Variants in SAMD12 observed in about 807,000 individuals in gnomAD.
The protein encoded by SAMD12 is sterile alpha motif domain containing 12.
A neutral mutation model predicts 15.0 loss-of-function variants in SAMD12; 9 were observed. The ratio of observed to expected loss-of-function variants is 0.60; its 90% CI spans 0.36 to 1.05. SAMD12 has a LOEUF of 1.05. SAMD12 is among the 50% of genes least tolerant of loss of function. The pLI, the probability that SAMD12 is intolerant of heterozygous loss-of-function variation, is 0.01. For synonymous variants in SAMD12, 86 were observed against 90.1 expected, an observed-to-expected ratio of 0.96 and a Z score of 0.25; for missense variants, 230 against 234.2, an observed-to-expected ratio of 0.98 and a Z score of 0.12.
intron 2 of SAMD12, among the ~76,000 whole-genome samples, chr8:118,446,877 C>G (rs982792673): frequency 1.3e-5 from 2 of 152,112 alleles, no homozygotes; most frequent in Non-Finnish European, 2.9e-5. Flanking sequence ...ACCTCCAGCT[C>G]AGTTTTCTTC....
chr8:118,172,800 T>A, the SAMD12 span, among the ~76,000 whole-genome samples: 2 of 152,210 alleles, frequency 1.3e-5, no homozygotes, highest in Non-Finnish European at 2.9e-5. Context: ...TTTTTCTGTA[T>A]ACAATATAGT....
chr8:118,530,121 G>T, intron 2 of SAMD12, among the ~76,000 whole-genome samples: 1 of 152,276 alleles, frequency 6.6e-6, no homozygotes, highest in Admixed American at 6.5e-5. Context: ...TTTCTCTGAT[G>T]ATCAGTGGTG....
intron 2 of SAMD12, among the ~76,000 whole-genome samples, chr8:118,547,736 C>A (rs1182676798): frequency 2.0e-5 from 3 of 152,132 alleles, no homozygotes; most frequent in Non-Finnish European, 1.5e-5. Flanking sequence ...TTTTTCTATA[C>A]CATATAAAAT....
chr8:118,268,669 C>A (rs574102020), intron 4 of SAMD12, among the ~76,000 whole-genome samples: 1 of 152,202 alleles, frequency 6.6e-6, no homozygotes, highest in East Asian at 1.9e-4. Context: ...ACAAAATTAG[C>A]CAGGCGTGGT....
chr8:118,344,737 C>T (rs1817547958), intron 4 of SAMD12, among the ~76,000 whole-genome samples: 1 of 152,150 alleles, frequency 6.6e-6, no homozygotes, highest in African/African-American at 2.4e-5. Context: ...TTGGTATCTC[C>T]ATTTTTTAGT....
chr8:118,139,225 A>T, the SAMD12 span, among the ~76,000 whole-genome samples: 1 of 152,082 alleles, frequency 6.6e-6, no homozygotes, highest in Non-Finnish European at 1.5e-5. Flanking sequence ...TAAAAAAAAA[A>T]AAAATAGAAA....
At chr8:118,368,490 T>A (rs1563801451) in intron 4 of SAMD12, among the ~76,000 whole-genome samples, 1 of 152,094 alleles carries the variant, frequency 6.6e-6, no homozygotes, top group Admixed American at 6.6e-5. Flanking sequence ...TCAAAGCAGG[T>A]GAGTGGCTTA....
chr8:118,215,519 T>C (rs1177395433), intron 4 of SAMD12, among the ~76,000 whole-genome samples: 1 of 152,110 alleles, frequency 6.6e-6, no homozygotes, highest in African/African-American at 2.4e-5. Flanking sequence ...ATTGTGCAGG[T>C]TAGTTACATA....
intron 2 of SAMD12, among the ~76,000 whole-genome samples, chr8:118,560,643 A>G (rs1459478694): frequency 6.6e-6 from 1 of 152,244 alleles, no homozygotes; most frequent in Non-Finnish European, 1.5e-5. Flanking sequence ...ATGTACAATT[A>G]TAAACATACC....
At chr8:118,510,510 C>T (rs1430453487) in intron 2 of SAMD12, among the ~76,000 whole-genome samples, 1 of 152,198 alleles carries the variant, frequency 6.6e-6, no homozygotes, top group Non-Finnish European at 1.5e-5. Context: ...ATTTACATAA[C>T]TCAATCTTGA....
intron 2 of SAMD12, among the ~76,000 whole-genome samples, chr8:118,548,384 T>TACACACACACACACACACACAC (rs36228827): frequency 7.2e-6 from 1 of 139,800 alleles, no homozygotes; most frequent in East Asian, 2.1e-4. Context: ...AAAACACACA[T>TACACACACACACACACACACAC]ACACACACAC....
In SAMD12 at chr8:118,362,060, C is replaced by T. The variant is rs115914946; in HGVS notation, c.433+17500G>A. On this transcript the variant is annotated intron_variant, in intron 4 of 4. Coordinates refer to the SAMD12 transcript ENST00000409003. ...TTTCTAATAGCTCTTCCATGGGCTG[C>T]GGAAGGTCTTCAGTGATAGAGCACT... Among the ~76,000 whole-genome samples the T allele has an allele frequency of 5.5e-3, 793 of 144,426 alleles. 4 individuals carry two copies. The highest frequency in any genetic ancestry group is 0.018 in the African/African-American group (695 of 38,498). 94.7% of individuals were successfully genotyped at this position (144,426 alleles called of 152,430 possible). A position where few individuals can be genotyped will look rare whatever the true frequency, so the allele number is the denominator to read the frequency against.
At chr8:118,489,676 G>A (rs2131011296) in intron 2 of SAMD12, among the ~76,000 whole-genome samples, 1 of 152,186 alleles carries the variant, frequency 6.6e-6, no homozygotes, top group East Asian at 1.9e-4. Flanking sequence ...TTCATGTGAT[G>A]GATTTATAAT....
intron 1 of SAMD12, among the ~76,000 whole-genome samples, chr8:118,606,681 A>T (rs564589774): frequency 7.2e-5 from 11 of 152,284 alleles, no homozygotes; most frequent in African/African-American, 2.6e-4. Flanking sequence ...CAAGCAATAG[A>T]CTGAGCATCA....
In SAMD12 at chr8:118,386,594, G is replaced by A. The variant is rs143986543; in HGVS notation, c.323-6894C>T. On this transcript the variant is annotated intron_variant, in intron 3 of 3. Coordinates refer to ENST00000314727, the MANE Select transcript of SAMD12 (RefSeq NM_207506.3). ...AGGAACATTTGAGTTTCTGACTACG[G>A]CACAGGGTTCATTGTGCTCCTCATG... Among the ~76,000 whole-genome samples the A allele has an allele frequency of 3.7e-4, 57 of 152,250 alleles. 1 individual carries two copies. The highest frequency in any genetic ancestry group is 1.3e-3 in the African/African-American group (55 of 41,542).
At chr8:118,504,159 T>C (rs1022136446) in intron 2 of SAMD12, among the ~76,000 whole-genome samples, 1 of 152,082 alleles carries the variant, frequency 6.6e-6, no homozygotes, top group Non-Finnish European at 1.5e-5. Flanking sequence ...GAAACCACAG[T>C]TGAGTGGGAA....
In SAMD12 at chr8:118,473,097, G is replaced by A. The variant is rs569011940; in HGVS notation, c.193-33136C>T. The stretch of plus-strand genomic sequence containing the variant: ...GGTGAGGCAGTGGGGAGAAGGGAGA[G>A]GCCAAGGTATGTCGCTCCCTGCCTG... On this transcript the variant is annotated intron_variant, in intron 2 of 3. Transcript: ENST00000314727. Among the ~76,000 whole-genome samples, 113 of 152,240 alleles carry A rather than the reference G, an allele frequency of 7.4e-4. 1 individual carries two copies. The highest frequency in any genetic ancestry group is 2.6e-3 in the African/African-American group (110 of 41,534).
At chr8:118,580,288 T>C (rs1009604260) in intron 2 of SAMD12, among the ~76,000 whole-genome samples, 1 of 152,152 alleles carries the variant, frequency 6.6e-6, no homozygotes, top group African/African-American at 2.4e-5. Context: ...ACTGGGGCTT[T>C]TATAAAATGC....
Position 118,526,648 on chromosome 8 carries a change from C to T in SAMD12, c.192+54067G>A, listed in dbSNP as rs886274103. ...AGCACCAGAAGAGTGCTGTTCATAC[C>T]CCTAGGCTGAAAGGGACAAGGTGAG... On this transcript the variant is annotated intron_variant, in intron 2 of 3. Coordinates refer to ENST00000314727, the MANE Select transcript of SAMD12 (RefSeq NM_207506.3). Among the ~76,000 whole-genome samples the T allele has an allele frequency of 2.6e-5, 4 of 152,062 alleles. 1 individual carries two copies. The highest frequency in any genetic ancestry group is 2.6e-4 in the Admixed American group (4 of 15,276).
Sources: allele counts gnomAD v4.1 joint callset (sites outside exome capture counted in the v4.1 genomes callset), GRCh38; gene constraint gnomAD v4.1.1; transcripts MANE v1.5; gene names NCBI Gene and HGNC (gene_info 2026-07-23, HGNC 2026-07-21).